The following SEL1L2 variants were observed in gnomAD, a reference collection of about 807,000 sequenced individuals.
SEL1L2 encodes the protein protein sel-1 homolog 2.
A neutral mutation model predicts 98.8 loss-of-function variants in SEL1L2; 89 were observed. The observed-to-expected ratio is 0.90, with a 90% CI of 0.76 to 1.07. The LOEUF (loss-of-function observed/expected upper bound fraction) is 1.07. Among genes scored for constraint, SEL1L2 ranks in the 50% least tolerant of loss-of-function variants. The pLI is 0.00. For missense variants in SEL1L2, 788 were observed against 812.0 expected (o/e 0.97, Z 0.36); for synonymous variants, 262 against 278.5 (o/e 0.94, Z 0.59).
At chr20:13,994,572 C>G (rs1016825135), upstream of SEL1L2, among the ~76,000 whole-genome samples, 1 of 152,112 alleles carries the variant, frequency 6.6e-6, no homozygotes, top group Non-Finnish European at 1.5e-5. Flanking sequence ...TATATAGAAA[C>G]ACAACAAATT....
intron 2 of SEL1L2, among the ~76,000 whole-genome samples, chr20:13,941,821 T>C (rs906322610): frequency 2.6e-5 from 4 of 152,142 alleles, no homozygotes; most frequent in African/African-American, 9.7e-5. Context: ...GTGAGCATCA[T>C]CCCTCACAAA....
chr20:13,881,292 G>C (rs533951261), intron 10 of SEL1L2, among the ~76,000 whole-genome samples: 2 of 152,192 alleles, frequency 1.3e-5, no homozygotes, highest in South Asian at 4.1e-4. Flanking sequence ...GATTGCAGGC[G>C]TGAGCCACCG....
At position 13,876,059 on chromosome 20, in the gene SEL1L2, G is replaced by A. The variant is rs2046413448; in HGVS notation, c.1083C>T (p.Tyr361=). The A allele has an allele frequency of 1.9e-6, 3 of 1,613,850 alleles. No individual in the cohort carries two copies. Among genetic ancestry groups the A allele is most frequent in the Middle Eastern group, 1.7e-4 (1 of 6,060 alleles). ...VPQNNATAFK[Y]FSMAASKGNA... ...ATACCTTACTGGCTGCCATGGAAAA[G>A]TACTTGAAGGCAGTAGCGTTATTTT... is the stretch of plus-strand genomic sequence containing the variant. The change falls in exon 12 of 20, where the codon TAC becomes TAT. Residue 361 remains tyrosine, a synonymous_variant. Transcript: ENST00000284951.
chr20:13,908,816 T>C (rs556741609), intron 5 of SEL1L2, among the ~76,000 whole-genome samples: 8 of 152,312 alleles, frequency 5.3e-5, no homozygotes, highest in African/African-American at 1.7e-4. Flanking sequence ...TTATTTGAAT[T>C]TTTGCAAGGT....
At chr20:13,924,363 T>C (rs1600769070) in intron 3 of SEL1L2, among the ~76,000 whole-genome samples, 1 of 152,104 alleles carries the variant, frequency 6.6e-6, no homozygotes, top group Non-Finnish European at 1.5e-5. Flanking sequence ...TCTTCTACTA[T>C]GTCTGATCTT....
At chr20:13,936,626 T>C (rs2049465770) in intron 2 of SEL1L2, among the ~76,000 whole-genome samples, 2 of 152,120 alleles carry the variant, frequency 1.3e-5, no homozygotes, top group Admixed American at 1.3e-4. Flanking sequence ...GCAGCACCCA[T>C]TCCCTACCCT....
At position 13,928,440 on chromosome 20, in the gene SEL1L2, C is replaced by T. The variant is rs529384048; in HGVS notation, c.283+3163G>A. ...GGCAGTGCACACTGTATAAGACATT[C>T]TAGTAAATAGAATTTTTCACCCACA... is the stretch of plus-strand genomic sequence containing the variant. On this transcript the variant is annotated intron_variant, in intron 3 of 19. Coordinates refer to ENST00000284951, the MANE Select transcript of SEL1L2 (RefSeq NM_025229.2). 4 of 152,288 alleles carry T rather than the reference C, an allele frequency of 2.6e-5. No homozygotes were observed. The South Asian group carries it at 8.3e-4, about 32-fold the overall frequency. 9.4% of individuals were successfully genotyped at this position (152,288 alleles called of 1,614,324 possible).
intron 18 of SEL1L2, chr20:13,851,245 T>C (rs530824332): frequency 5.9e-5 from 9 of 152,188 alleles, no homozygotes; most frequent in African/African-American, 2.2e-4. Flanking sequence ...AAAAAAATTG[T>C]ACAGTTCTCT....
At chr20:13,920,227 CAAAAAA>C (rs4052973) in intron 3 of SEL1L2, among the ~76,000 whole-genome samples, 2 of 103,152 alleles carry the variant, frequency 1.9e-5, no homozygotes, top group African/African-American at 4.3e-5. Flanking sequence ...GACTCCGTCC[CAAAAAA>C]AAAAAAAAAA....
intron 4 of SEL1L2, among the ~76,000 whole-genome samples, chr20:13,916,909 G>T (rs112057975): frequency 1.8e-4 from 27 of 152,264 alleles, no homozygotes; most frequent in African/African-American, 6.5e-4. Flanking sequence ...ACCCAGGTAG[G>T]CATGAAGGTT....
chr20:13,856,309 T>C (rs963662477), intron 18 of SEL1L2, among the ~76,000 whole-genome samples: 16 of 152,228 alleles, frequency 1.1e-4, no homozygotes, highest in Admixed American at 3.9e-4. Flanking sequence ...TTTGCATTTT[T>C]AGTAGAGACA....
In SEL1L2 at chr20:13,954,699, T is replaced by C. The variant is rs529967008; in HGVS notation, c.114+1377A>G. Among the ~76,000 whole-genome samples, 165 of 152,270 alleles carry C rather than the reference T, an allele frequency of 1.1e-3. 1 individual carries two copies. Among genetic ancestry groups the C allele is most frequent in the Non-Finnish European group, 1.4e-3 (92 of 68,018 alleles). On this transcript the variant is annotated intron_variant, in intron 2 of 19. Coordinates refer to ENST00000284951, the MANE Select transcript of SEL1L2 (RefSeq NM_025229.2). The stretch of plus-strand genomic sequence containing the variant: ...TAATGCTGGGCATTGGGTAGATGCT[T>C]ATGGGTCTGGGCAGCATCCTTGTTC...
At chr20:13,885,995 C>T (rs1235656763) in intron 9 of SEL1L2, among the ~76,000 whole-genome samples, 2 of 151,780 alleles carry the variant, frequency 1.3e-5, no homozygotes, top group Non-Finnish European at 2.9e-5. Context: ...CGAGATTGTG[C>T]CACTGCACTC....
rs368619955 is a variant in SEL1L2 at position 13,934,898 on chromosome 20, C to A, written c.115-3127G>T. ...TAGCCCCACCTAATTGCAAGGTGGC[C>A]GAGAAACATAATCTATTTAGGTATC... On this transcript the variant is annotated intron_variant, in intron 2 of 19. Transcript: ENST00000284951. Among the ~76,000 whole-genome samples, 3 of 151,902 alleles carry A rather than the reference C, an allele frequency of 2.0e-5. No homozygotes were observed. In the East Asian group the frequency reaches 5.8e-4, roughly 29 times the overall value.
intron 13 of SEL1L2, among the ~76,000 whole-genome samples, chr20:13,869,841 A>G (rs1216410640): frequency 6.6e-6 from 1 of 152,156 alleles, no homozygotes; most frequent in Non-Finnish European, 1.5e-5. Flanking sequence ...GGGGAAGGTC[A>G]CTCAAAAGAC....
chr20:13,916,690 C>T (rs2048417705), intron 4 of SEL1L2, among the ~76,000 whole-genome samples: 1 of 152,112 alleles, frequency 6.6e-6, no homozygotes, highest in Non-Finnish European at 1.5e-5. Flanking sequence ...CCTGTCATCT[C>T]AGCTACTTGG....
chr20:13,867,209 TG>T (rs1239825405), intron 14 of SEL1L2, among the ~76,000 whole-genome samples: 2 of 152,220 alleles, frequency 1.3e-5, no homozygotes, highest in African/African-American at 4.8e-5. Context: ...TCGCCATCTT[TG>T]TGATCCTTCC....
At chr20:13,977,539 C>T (rs2051601795) in intron 1 of SEL1L2, among the ~76,000 whole-genome samples, 1 of 152,066 alleles carries the variant, frequency 6.6e-6, no homozygotes, top group Non-Finnish European at 1.5e-5. Flanking sequence ...CACTGGCAAA[C>T]AGAATTCTTG....
rs2050835090 is a variant in SEL1L2 at position 13,962,712 on chromosome 20, T to C, written c.59-6581A>G. Among the ~76,000 whole-genome samples, 4 of 152,194 alleles carry C rather than the reference T, an allele frequency of 2.6e-5. No homozygotes were observed. In the South Asian group the frequency reaches 6.2e-4, roughly 24 times the overall value. ...ATTCTCTGAAGCTAAGGTAGACCAATAACTAATGACAAAATAAATCATACA... is the reference window on the plus strand; with the variant it reads ...ATTCTCTGAAGCTAAGGTAGACCAACAACTAATGACAAAATAAATCATACA... On this transcript the variant is annotated intron_variant, in intron 1 of 19. Transcript: ENST00000284951.
Sources: allele counts gnomAD v4.1 joint callset (sites outside exome capture counted in the v4.1 genomes callset), GRCh38; gene constraint gnomAD v4.1.1; transcripts MANE v1.5; gene names NCBI Gene and HGNC (gene_info 2026-07-23, HGNC 2026-07-21).